Variants in INVS observed in about 807,000 individuals in gnomAD.
INVS encodes the protein inversin.
Under a neutral mutation model 108.8 loss-of-function variants are expected in INVS, and 86 were observed. That is an observed-to-expected ratio of 0.79 (90% CI 0.66 to 0.95). The LOEUF (loss-of-function observed/expected upper bound fraction) is 0.95, where lower values mean the gene tolerates loss of function less well. INVS is among the 40% of genes least tolerant of loss of function. The pLI is 0.00. For synonymous variants in INVS, 455 were observed against 473.5 expected, an observed-to-expected ratio of 0.96 and a Z score of 0.51; for missense variants, 1,169 against 1,297.4, an observed-to-expected ratio of 0.90 and a Z score of 1.52.
chr9:100,258,929 T>G (rs1832518012), intron 10 of INVS, among the ~76,000 whole-genome samples: 1 of 152,330 alleles, frequency 6.6e-6, no homozygotes, highest in African/African-American at 2.4e-5. Context: ...GGAGAACCAC[T>G]ACTCTCTTCA....
At chr9:100,100,770 G>A (rs13287290) in intron 1 of INVS, among the ~76,000 whole-genome samples, 57 of 14,338 alleles carry the variant, frequency 4.0e-3, no homozygotes, top group Middle Eastern at 0.071. Context: ...TATAATATAT[G>A]TATATATAAT....
In INVS at chr9:100,154,331, A is replaced by ATTTTTTTTTTTTTTTTTTTTT. The variant is rs780090630; in HGVS notation, c.273+27790_273+27810dup. Reference sequence around the variant, plus strand: ...AGGTGTGTGCCACCACAACCGACTAATTTTTTTTTTTTTTTTTTTTTTTTT... The same window carrying ATTTTTTTTTTTTTTTTTTTTT: ...AGGTGTGTGCCACCACAACCGACTAATTTTTTTTTTTTTTTTTTTTTTTTTTTTTTTTTTTTTTTTTTTTTT... On this transcript the variant is annotated intron_variant, in intron 3 of 16. Transcript: ENST00000262457. 1.5e-3 allele frequency among the ~76,000 whole-genome samples: 101 copies of ATTTTTTTTTTTTTTTTTTTTT among 68,568 alleles called. 8 individuals carry two copies. The highest frequency in any genetic ancestry group is 3.8e-3 in the African/African-American group (49 of 12,992). 45.0% of individuals were successfully genotyped at this position (68,568 alleles called of 152,430 possible). A position where few individuals can be genotyped will look rare whatever the true frequency, so the allele number is the denominator to read the frequency against.
chr9:100,282,528 C>T (rs1030276552), intron 12 of INVS, among the ~76,000 whole-genome samples: 1 of 152,160 alleles, frequency 6.6e-6, no homozygotes, highest in African/African-American at 2.4e-5. Context: ...GGTTGTAAAT[C>T]AAAATGTAAC....
chr9:100,104,474 T>G, intron 1 of INVS, 24 bp from the exon 2 acceptor site: 1 of 1,292,378 alleles, frequency 7.7e-7, no homozygotes, highest in Non-Finnish European at 1.1e-6. Context: ...CTGCATGCGC[T>G]CATTGTCTGA....
intron 3 of INVS, among the ~76,000 whole-genome samples, chr9:100,161,874 A>G (rs1829201932): frequency 6.6e-6 from 1 of 152,206 alleles, no homozygotes; most frequent in African/African-American, 2.4e-5. Context: ...GAGAACTTCA[A>G]CTGGGAAAAT....
At chr9:100,126,879 C>G (rs1055964956) in intron 3 of INVS, among the ~76,000 whole-genome samples, 1 of 152,048 alleles carries the variant, frequency 6.6e-6, no homozygotes, top group Non-Finnish European at 1.5e-5. Flanking sequence ...AAGAAATACT[C>G]AAAGATATTA....
chr9:100,106,205 A>G (rs974702976), intron 2 of INVS, among the ~76,000 whole-genome samples: 1 of 151,886 alleles, frequency 6.6e-6, no homozygotes, highest in Non-Finnish European at 1.5e-5. Context: ...ATCTGTACCC[A>G]TCTTCTCTCT....
intron 3 of INVS, among the ~76,000 whole-genome samples, chr9:100,167,367 A>G (rs1362846063): frequency 6.6e-6 from 1 of 151,884 alleles, no homozygotes; most frequent in Non-Finnish European, 1.5e-5. Context: ...CACATACACC[A>G]CTCTGACCTC....
chr9:100,262,405 T>G (rs1487362181), intron 10 of INVS, among the ~76,000 whole-genome samples: 2 of 152,100 alleles, frequency 1.3e-5, no homozygotes, highest in Admixed American at 1.3e-4. Context: ...CATTAATTAT[T>G]CAGATTTTCT....
intron 11 of INVS, among the ~76,000 whole-genome samples, chr9:100,271,136 G>C (rs2485745): frequency 0.33 from 49,844 of 152,026 alleles, 8,925 homozygotes; most frequent in Non-Finnish European, 0.42. Flanking sequence ...GAGACAGCTA[G>C]TTTTCCTCCC....
At chr9:100,228,528 T>A (rs1376909889) in intron 4 of INVS, among the ~76,000 whole-genome samples, 2 of 152,234 alleles carry the variant, frequency 1.3e-5, no homozygotes, top group African/African-American at 2.4e-5. Flanking sequence ...GTTCTTAAGG[T>A]CCTTGGTGAT....
At chr9:100,286,351 C>T (rs896968479) in intron 13 of INVS, among the ~76,000 whole-genome samples, 1 of 152,090 alleles carries the variant, frequency 6.6e-6, no homozygotes, top group South Asian at 2.1e-4. Flanking sequence ...GCCAGGAGTT[C>T]AAGACCAGCC....
At chr9:100,299,206 G>A (rs989966699) in intron 16 of INVS, among the ~76,000 whole-genome samples, 1 of 152,082 alleles carries the variant, frequency 6.6e-6, no homozygotes, top group African/African-American at 2.4e-5. Flanking sequence ...TTTTTGACTG[G>A]TTTAAAATCA....
chr9:100,226,851 C>T (rs1256317272), intron 4 of INVS, among the ~76,000 whole-genome samples: 2 of 145,250 alleles, frequency 1.4e-5, no homozygotes, highest in Middle Eastern at 3.4e-3. Flanking sequence ...CCTGTCTTAA[C>T]TCCAAAACCC....
intron 3 of INVS, among the ~76,000 whole-genome samples, chr9:100,184,437 C>T (rs56153123): frequency 0.016 from 2,450 of 152,232 alleles, 64 homozygotes; most frequent in African/African-American, 0.056. Flanking sequence ...GCATTAGTTC[C>T]TGTGAATCCA....
chr9:100,294,669 T>C (rs767373412), intron 14 of INVS, among the ~76,000 whole-genome samples: 1 of 152,144 alleles, frequency 6.6e-6, no homozygotes, highest in Non-Finnish European at 1.5e-5. Context: ...TTAGTGAAGT[T>C]AGTTTTTGCT....
At chr9:100,182,139 T>G (rs1260098672) in intron 3 of INVS, among the ~76,000 whole-genome samples, 1 of 152,148 alleles carries the variant, frequency 6.6e-6, no homozygotes, top group Non-Finnish European at 1.5e-5. Flanking sequence ...GACTTAAACG[T>G]AAGACCTAAA....
intron 3 of INVS, chr9:100,129,739 C>G: frequency 1.4e-6 from 1 of 698,534 alleles, no homozygotes; most frequent in Non-Finnish European, 2.7e-6. Context: ...AAGAGAAACA[C>G]GTAAAGTGAG....
chr9:100,188,254 C>T (rs76762166), intron 3 of INVS, among the ~76,000 whole-genome samples: 9 of 152,064 alleles, frequency 5.9e-5, no homozygotes, highest in Non-Finnish European at 1.2e-4. Flanking sequence ...TGTCTTGTTC[C>T]GGTTCTTCCA....
Sources: gnomAD v4.1 joint callset for allele counts (sites outside exome capture counted in the v4.1 genomes callset) on GRCh38, gnomAD v4.1.1 for gene constraint, MANE v1.5 for transcripts, NCBI Gene and HGNC (gene_info 2026-07-23, HGNC 2026-07-21) for gene names.